Variants in CDCA7L observed in about 807,000 individuals in gnomAD.
The protein encoded by CDCA7L is cell division cycle-associated 7-like protein.
Under a neutral mutation model 57.4 loss-of-function variants are expected in CDCA7L, and 44 were observed. The ratio of observed to expected loss-of-function variants is 0.77; its 90% CI spans 0.60 to 0.98. CDCA7L has a LOEUF of 0.98. CDCA7L is among the 50% of genes least tolerant of loss of function. CDCA7L has a pLI of 0.00. For missense variants in CDCA7L, 644 were observed against 580.6 expected (o/e 1.11, Z -1.12); for synonymous variants, 236 against 202.8 (o/e 1.16, Z -1.39).
intron 1 of CDCA7L, among the ~76,000 whole-genome samples, chr7:21,937,360 C>T (rs746053440): frequency 4.6e-5 from 7 of 152,114 alleles, no homozygotes; most frequent in African/African-American, 7.2e-5. Flanking sequence ...ACAGACCAGG[C>T]GCAGTGGCTC....
intron 6 of CDCA7L, 28 bp downstream of exon 6, chr7:21,906,261 A>G: frequency 1.3e-6 from 2 of 1,562,450 alleles, no homozygotes; most frequent in South Asian, 2.4e-5. Flanking sequence ...TCAGACAAAA[A>G]CTAATTCATG....
Position 21,901,879 on chromosome 7 carries a change from A to G in CDCA7L, c.*443T>C. The G allele has an allele frequency of 5.5e-6, 1 of 181,564 alleles. No homozygotes were observed. The highest frequency in any genetic ancestry group is 1.2e-5 in the Non-Finnish European group (1 of 84,864). The allele number at this position is 181,564 out of a possible 1,614,324, so 11.2% of individuals were successfully genotyped here. A position where few individuals can be genotyped will look rare whatever the true frequency, so the allele number is the denominator to read the frequency against. On this transcript the variant is annotated 3_prime_UTR_variant, in exon 10 of 10. Transcript: ENST00000406877. ...GTGTAAATTTCCAATGACCAAGAGC[A>G]GGTTAAACGATGTGTGTGGTCTATT...
chr7:21,928,089 C>A (rs1021558042), intron 1 of CDCA7L, among the ~76,000 whole-genome samples: 38 of 152,146 alleles, frequency 2.5e-4, no homozygotes, highest in African/African-American at 8.9e-4. Flanking sequence ...TGGTGGTTGC[C>A]CCTCTGGGAT....
At chr7:21,909,119 CCACT>C (rs1452916758) in intron 3 of CDCA7L, among the ~76,000 whole-genome samples, 1 of 152,192 alleles carries the variant, frequency 6.6e-6, no homozygotes, top group Non-Finnish European at 1.5e-5. Context: ...TAGCAAAACA[CCACT>C]CAGTCAACTC....
At chr7:21,934,964 A>G (rs956241127) in intron 1 of CDCA7L, among the ~76,000 whole-genome samples, 6 of 152,356 alleles carry the variant, frequency 3.9e-5, no homozygotes, top group Middle Eastern at 3.4e-3. Context: ...CTGCAACAAC[A>G]GATAGAAACT....
chr7:21,905,565 C>T lies in CDCA7L; in HGVS notation c.988G>A (p.Glu330Lys), dbSNP rs377233838. 9.3e-6 allele frequency: 15 copies of T among 1,613,874 alleles called. No homozygotes were observed. Among genetic ancestry groups the T allele is most frequent in the East Asian group, 2.2e-5 (1 of 44,906 alleles). The change falls in exon 7 of 10, where the codon GAA becomes AAA. Residue 330 changes from glutamate (E) to lysine (K), a missense_variant. Glu to Lys is a moderately conservative substitution (Grantham distance 56). Coordinates refer to ENST00000406877, the MANE Select transcript of CDCA7L (RefSeq NM_018719.5). ...ATGGCAACATTTTCTAAGTCCTCTT[C>T]GGTGATATCCTCCACTGGCCGAAAA... ...SSFRPVEDIT[E>K]EDLENVAITV...
Position 21,905,532 on chromosome 7 carries a change from G to C in CDCA7L, c.1021C>G (p.Arg341Gly), listed in dbSNP as rs763777079. ...AGAACTTTATCATAGATTTTATCTC[G>C]AACAGTTATGGCAACATTTTCTAAG... ...EDLENVAITV[R>G]DKIYDKVLGN... Residue 341 changes from arginine to glycine, a missense_variant, in exon 7 of 10, where the codon CGA becomes GGA. By Grantham distance (125) the Arg-to-Gly change is moderately radical. Coordinates refer to ENST00000406877, the MANE Select transcript of CDCA7L (RefSeq NM_018719.5). The C allele has an allele frequency of 6.2e-7, 1 of 1,613,556 alleles. No individual in the cohort carries two copies. The highest frequency in any genetic ancestry group is 2.2e-5 in the East Asian group (1 of 44,874).
At chr7:21,911,165 G>T (rs1027681906) in intron 3 of CDCA7L, among the ~76,000 whole-genome samples, 1 of 151,424 alleles carries the variant, frequency 6.6e-6, no homozygotes, top group Non-Finnish European at 1.5e-5. Context: ...GAGTAGCTTG[G>T]ATTACAGGTG....
chr7:21,916,954 C>T, intron 1 of CDCA7L, 60 bp from the exon 2 acceptor site: 3 of 1,595,062 alleles, frequency 1.9e-6, no homozygotes, highest in Non-Finnish European at 1.7e-6. Flanking sequence ...CACTTAGGGA[C>T]ATTTTCTGGA....
In CDCA7L at chr7:21,906,292, A is replaced by G; in HGVS notation, c.918T>C (p.Ile306=). ...EFYSFRRRKT[I]GGKCREYRRR... is the part of the protein sequence containing the mutation. ...TCATGTATTAGTCAGAAAATACCCCAATTGTCTTCCTTCTTCGGAAGCTGT... is the reference window on the plus strand; with the variant it reads ...TCATGTATTAGTCAGAAAATACCCCGATTGTCTTCCTTCTTCGGAAGCTGT... Residue 306 remains isoleucine, a synonymous_variant, in exon 6 of 10, where the codon ATT becomes ATC. Coordinates refer to ENST00000406877, the MANE Select transcript of CDCA7L (RefSeq NM_018719.5). The G allele has an allele frequency of 6.3e-7, 1 of 1,593,686 alleles. No individual in the cohort carries two copies. The highest frequency in any genetic ancestry group is 1.4e-5 in the African/African-American group (1 of 73,848).
chr7:21,905,658 G>A, intron 6 of CDCA7L, 27 bp from the exon 7 acceptor site: 2 of 1,608,542 alleles, frequency 1.2e-6, no homozygotes, highest in African/African-American at 1.3e-5. Context: ...AGCAGAACAT[G>A]GAGATGTGTT....
intron 3 of CDCA7L, among the ~76,000 whole-genome samples, chr7:21,911,121 C>T (rs1785311671): frequency 7.0e-6 from 1 of 141,900 alleles, no homozygotes; most frequent in Admixed American, 7.7e-5. Context: ...CCTCTGCCTC[C>T]CGGCTTCAAG....
intron 3 of CDCA7L, among the ~76,000 whole-genome samples, chr7:21,910,873 C>A (rs1785297217): frequency 6.6e-6 from 1 of 152,082 alleles, no homozygotes; most frequent in South Asian, 2.1e-4. Flanking sequence ...CAAGTTTGTA[C>A]CACAGCCAAA....
chr7:21,908,073 A>G, intron 4 of CDCA7L, 57 bp downstream of exon 4: 7 of 1,489,354 alleles, frequency 4.7e-6, no homozygotes, highest in Non-Finnish European at 5.3e-6. Flanking sequence ...CTGGGAGCCC[A>G]GCAACTGCTG....
rs777376992 is a variant in CDCA7L, at chr7:21,911,784, C to T, written c.166-30G>A. Reference sequence around the variant, plus strand: ...ATTAAAGACACACATACATCAGAGACGGAAAGTAGAATAGAGGTTACCAGG... The same window carrying T: ...ATTAAAGACACACATACATCAGAGATGGAAAGTAGAATAGAGGTTACCAGG... On this transcript the variant is annotated intron_variant, in intron 2 of 9. Transcript: ENST00000406877. 28 of 1,601,040 alleles carry T rather than the reference C, an allele frequency of 1.7e-5. No individual in the cohort carries two copies. The South Asian group carries it at 2.0e-4, about 12-fold the overall frequency.
chr7:21,926,372 G>A (rs867713318), intron 1 of CDCA7L, among the ~76,000 whole-genome samples: 1 of 152,096 alleles, frequency 6.6e-6, no homozygotes, highest in African/African-American at 2.4e-5. Flanking sequence ...TGCAGAATGG[G>A]AGAAATAGCT....
chr7:21,901,335 T>TTATTCTAACTTTTTAGTAA lies in CDCA7L; in HGVS notation c.*968_*986dup. 6.9e-7 allele frequency: 1 copy of TTATTCTAACTTTTTAGTAA among 1,450,688 alleles called. No homozygotes were observed. Among genetic ancestry groups the TTATTCTAACTTTTTAGTAA allele is most frequent in the Non-Finnish European group, 9.1e-7 (1 of 1,099,024 alleles). 89.9% of individuals were successfully genotyped at this position (1,450,688 alleles called of 1,614,324 possible). A position where few individuals can be genotyped will look rare whatever the true frequency, so the allele number is the denominator to read the frequency against. On this transcript the variant is annotated 3_prime_UTR_variant, in exon 10 of 10. Coordinates refer to ENST00000406877, the MANE Select transcript of CDCA7L (RefSeq NM_018719.5). ...TGTTGCTGCACTGTTCCCATGCACA[T>TTATTCTAACTTTTTAGTAA]TATTCTAACTTTTTAGTAACTCACA...
In CDCA7L at chr7:21,901,342, A is replaced by G. The variant is rs7971; in HGVS notation, c.*980T>C. 473,768 of 1,392,722 alleles carry G rather than the reference A, an allele frequency of 0.34. 82,162 individuals are homozygous for G. The highest frequency in any genetic ancestry group is 0.36 in the Non-Finnish European group (386,516 of 1,063,446). The allele number at this position is 1,392,722 out of a possible 1,614,324, so 86.3% of individuals were successfully genotyped here. On this transcript the variant is annotated 3_prime_UTR_variant, in exon 10 of 10. Coordinates refer to ENST00000406877, the MANE Select transcript of CDCA7L (RefSeq NM_018719.5). ...GCACTGTTCCCATGCACATTATTCT[A>G]ACTTTTTAGTAACTCACACGTGCAT...
chr7:21,902,949 G>A (rs1562618390), intron 9 of CDCA7L, 29 bp downstream of exon 9: 1 of 1,605,766 alleles, frequency 6.2e-7, no homozygotes, highest in South Asian at 1.1e-5. Context: ...ATTTCAAGCT[G>A]TTTTGTAAGC....
Sources: allele counts gnomAD v4.1 joint callset (sites outside exome capture counted in the v4.1 genomes callset), GRCh38; gene constraint gnomAD v4.1.1; transcripts MANE v1.5; gene names NCBI Gene and HGNC (gene_info 2026-07-23, HGNC 2026-07-21).